DOCK11: variants seen among roughly 807,000 people sequenced by gnomAD.
DOCK11 encodes the protein dedicator of cytokinesis 11.
A neutral mutation model predicts 169.1 loss-of-function variants in DOCK11; 70 were observed. The ratio of observed to expected loss-of-function variants is 0.41; its 90% confidence interval spans 0.34 to 0.51. The LOEUF (loss-of-function observed/expected upper bound fraction) is 0.51, where lower values mean the gene tolerates loss of function less well. Among genes scored for constraint, DOCK11 ranks in the 20% least tolerant of loss-of-function variants. The pLI, the probability that DOCK11 is intolerant of heterozygous loss-of-function variation, is 0.10. For missense variants in DOCK11, 1,166 were observed against 1,538.8 expected, an observed-to-expected ratio of 0.76 and a Z score of 4.05; for synonymous variants, 529 against 541.3, an observed-to-expected ratio of 0.98 and a Z score of 0.32.
chrX:118,565,040 A>G (rs898360568), intron 7 of DOCK11, among the ~76,000 whole-genome samples: 1 of 110,064 alleles, frequency 9.1e-6, no homozygotes, highest in African/African-American at 3.3e-5. Context: ...GGCTTAGGTG[A>G]TCCTCCCACC....
At position 118,671,093 on chromosome X, in the gene DOCK11, C is replaced by A. The variant is rs1407438268; in HGVS notation, c.5147C>A (p.Ser1716Tyr). The A allele has an allele frequency of 8.3e-7, 1 of 1,205,656 alleles. No homozygotes were observed. Residue 1716 changes from serine (S) to tyrosine (Y), a missense_variant, in exon 46 of 53, where the codon TCT becomes TAT. Ser to Tyr is a moderately radical substitution (Grantham distance 144, BLOSUM62 -2). Transcript: ENST00000276202. ...LWKAERYEII[S>Y]EISKLIVPIY... is the part of the protein sequence containing the mutation. ...AAGGCAGAACGTTATGAAATAATTTCTGAGATTTCCAAGTTGATCGTTCCA... is the reference window on the plus strand; with the variant it reads ...AAGGCAGAACGTTATGAAATAATTTATGAGATTTCCAAGTTGATCGTTCCA...
chrX:118,634,624 C>A (rs1176988164), intron 35 of DOCK11, among the ~76,000 whole-genome samples: 1 of 112,824 alleles, frequency 8.9e-6, no homozygotes, highest in Non-Finnish European at 1.9e-5. Flanking sequence ...TGACCGGAGG[C>A]CGGAAACGCA....
intron 48 of DOCK11, 74 bp downstream of exon 48, chrX:118,676,811 T>G (rs1304546247): frequency 7.5e-6 from 7 of 937,548 alleles, no homozygotes; most frequent in Non-Finnish European, 1.0e-5. Context: ...GACTTTTTCC[T>G]TTTTTAACTG....
Position 118,610,478 on chromosome X carries a change from G to A in DOCK11, c.3096+60G>A. 5.2e-6 allele frequency: 6 copies of A among 1,155,439 alleles called. No homozygotes were observed. The Admixed American group carries it at 1.0e-4, about 20-fold the overall frequency. On this transcript the variant is annotated intron_variant, in intron 28 of 52. Coordinates refer to ENST00000276202, the MANE Select transcript of DOCK11 (RefSeq NM_144658.4). Reference sequence around the variant, plus strand: ...TCCTCTTCATTGATAGGAAGCCCAAGAAAAAAATTAAGCACTTTCTAGAGG... The same window carrying A: ...TCCTCTTCATTGATAGGAAGCCCAAAAAAAAAATTAAGCACTTTCTAGAGG...
At chrX:118,574,087 A>G in intron 12 of DOCK11, 69 bp downstream of exon 12, 8 of 1,032,857 alleles carry the variant, frequency 7.7e-6, no homozygotes, top group Non-Finnish European at 1.1e-5. Flanking sequence ...GTATTATTTC[A>G]TGGTTTCAGG....
chrX:118,638,675 C>CA (rs1265258626), intron 37 of DOCK11, among the ~76,000 whole-genome samples: 1 of 111,737 alleles, frequency 8.9e-6, no homozygotes, highest in African/African-American at 3.3e-5. Context: ...AGCTCAAAAA[C>CA]AGTTTTAAAA....
chrX:118,607,777 G>A (rs998402191), intron 24 of DOCK11, among the ~76,000 whole-genome samples: 8 of 111,844 alleles, frequency 7.2e-5, no homozygotes, highest in African/African-American at 2.6e-4. Flanking sequence ...CTGGATAGTA[G>A]CTACCACCAT....
At chrX:118,580,246 T>C in intron 14 of DOCK11, 67 bp downstream of exon 14, 1 of 925,728 alleles carries the variant, frequency 1.1e-6, no homozygotes. Context: ...CTGTTATACT[T>C]ACCAGCATTC....
chrX:118,623,588 G>T (rs2015025765), intron 31 of DOCK11, among the ~76,000 whole-genome samples: 1 of 112,578 alleles, frequency 8.9e-6, no homozygotes, highest in African/African-American at 3.2e-5. Flanking sequence ...ATTACTGACG[G>T]GGTACTATGT....
chrX:118,643,218 T>G (rs187138853), intron 39 of DOCK11, among the ~76,000 whole-genome samples: 1 of 111,836 alleles, frequency 8.9e-6, no homozygotes, highest in East Asian at 2.8e-4. Context: ...TATATTGCTG[T>G]GTTGCATTGA....
intron 1 of DOCK11, among the ~76,000 whole-genome samples, chrX:118,507,639 C>T (rs1053282981): frequency 8.0e-5 from 9 of 112,060 alleles, no homozygotes; most frequent in Admixed American, 9.5e-5. Flanking sequence ...CATGAGCCAC[C>T]GTGCCCGGCC....
At chrX:118,647,137 A>ATG (rs1491408043) in intron 40 of DOCK11, among the ~76,000 whole-genome samples, 27 of 68,812 alleles carry the variant, frequency 3.9e-4, no homozygotes, top group South Asian at 7.9e-4. Flanking sequence ...TGTGAAGAGG[A>ATG]TATGTGTGTG....
At chrX:118,577,679 C>T (rs1210327572) in intron 12 of DOCK11, among the ~76,000 whole-genome samples, 1 of 111,774 alleles carries the variant, frequency 8.9e-6, no homozygotes, top group Non-Finnish European at 1.9e-5. Flanking sequence ...ATTTTCTATT[C>T]TGCCCTGTCT....
chrX:118,680,388 G>C lies in DOCK11; in HGVS notation c.5461-94G>C, dbSNP rs187744770. ...GCAATGTTCCTCACTTGGTCTCAAA[G>C]AAGTTAGTAGGTTACCTTATCTCCT... On this transcript the variant is annotated intron_variant, in intron 48 of 52. Transcript: ENST00000276202. 6.1e-5 allele frequency: 28 copies of C among 459,600 alleles called. No homozygotes were observed. The African/African-American group carries it at 6.9e-4, about 11-fold the overall frequency. 37.9% of individuals were successfully genotyped at this position (459,600 alleles called of 1,213,427 possible).
At chrX:118,633,341 A>G in intron 35 of DOCK11, 1 of 112,190 alleles carries the variant, frequency 8.9e-6, no homozygotes, top group South Asian at 3.7e-4. Context: ...AGTTTCCAGT[A>G]AACTTTCAGA....
intron 14 of DOCK11, among the ~76,000 whole-genome samples, chrX:118,580,505 C>T (rs1179861857): frequency 9.0e-6 from 1 of 111,190 alleles, no homozygotes; most frequent in Non-Finnish European, 1.9e-5. Context: ...TTAGTAGAGA[C>T]GGGGTTTCAC....
chrX:118,569,161 G>C (rs1361842463), intron 10 of DOCK11, among the ~76,000 whole-genome samples: 1 of 89,272 alleles, frequency 1.1e-5, no homozygotes, highest in African/African-American at 4.2e-5. Flanking sequence ...GCAATGGCAC[G>C]ATCTCGGCTC....
intron 6 of DOCK11, among the ~76,000 whole-genome samples, chrX:118,558,766 T>A (rs1240364828): frequency 8.9e-6 from 1 of 112,391 alleles, no homozygotes. Context: ...GTGTTTCTAG[T>A]GTATGAGAAA....
intron 45 of DOCK11, among the ~76,000 whole-genome samples, chrX:118,664,506 G>A (rs182154901): frequency 1.6e-3 from 178 of 110,491 alleles, no homozygotes; most frequent in Non-Finnish European, 1.7e-3. Flanking sequence ...TTAGCCAGAC[G>A]TGGTGGCACC....
Sources: gnomAD v4.1 joint callset for allele counts (sites outside exome capture counted in the v4.1 genomes callset) on GRCh38, gnomAD v4.1.1 for gene constraint, MANE v1.5 for transcripts, NCBI Gene and HGNC (gene_info 2026-07-23, HGNC 2026-07-21) for gene names.